The following LARS2 variants were observed in gnomAD, a reference collection of about 807,000 sequenced individuals.
The protein encoded by LARS2 is leucine--tRNA ligase, mitochondrial.
LARS2 carries 81 observed loss-of-function variants against 116.6 expected under a neutral mutation model. That is an observed-to-expected ratio of 0.69 (90% CI 0.58 to 0.84). The LOEUF is 0.84. LARS2 is among the 40% of genes least tolerant of loss of function. The pLI, the probability that LARS2 is intolerant of heterozygous loss-of-function variation, is 0.00. For missense variants in LARS2, 968 were observed against 1,114.5 expected (o/e 0.87, Z 1.87); for synonymous variants, 396 against 407.2 (o/e 0.97, Z 0.33).
chr3:45,541,277 A>G (rs1295316794), intron 20 of LARS2, among the ~76,000 whole-genome samples: 1 of 152,184 alleles, frequency 6.6e-6, no homozygotes, highest in African/African-American at 2.4e-5. Context: ...AGCCAAGGAA[A>G]GCTCCTTCCA....
chr3:45,496,452 C>A, intron 14 of LARS2, 79 bp downstream of exon 14: 1 of 1,031,906 alleles, frequency 9.7e-7, no homozygotes, highest in Non-Finnish European at 1.5e-6. Context: ...TGGAATTAGA[C>A]ATGCAAGAGA....
intron 6 of LARS2, among the ~76,000 whole-genome samples, chr3:45,431,050 C>T (rs1181802725): frequency 2.0e-5 from 3 of 151,960 alleles, no homozygotes; most frequent in South Asian, 4.2e-4. Flanking sequence ...AAATTAGTAC[C>T]CTTATATGAA....
chr3:45,519,490 C>A (rs371940955), intron 18 of LARS2, among the ~76,000 whole-genome samples: 104 of 105,852 alleles, frequency 9.8e-4, no homozygotes, highest in East Asian at 1.4e-3. Context: ...GTCTCCGTCT[C>A]AAAAAAAAAA....
intron 20 of LARS2, among the ~76,000 whole-genome samples, chr3:45,534,182 A>T (rs1172508031): frequency 6.6e-6 from 1 of 151,974 alleles, no homozygotes; most frequent in Non-Finnish European, 1.5e-5. Flanking sequence ...TGAGATGTGT[A>T]TTGTTTTTTC....
chr3:45,504,531 G>T (rs1439971944), intron 15 of LARS2, among the ~76,000 whole-genome samples: 2 of 151,820 alleles, frequency 1.3e-5, no homozygotes. Flanking sequence ...AAATAAACTG[G>T]TCTGCATCAG....
chr3:45,548,727 A>G lies in LARS2; in HGVS notation c.*1197A>G, dbSNP rs1011307960. On this transcript the variant is annotated 3_prime_UTR_variant, in exon 22 of 22. Transcript: ENST00000645846. Reference sequence around the variant, plus strand: ...AGCCATTTTATAATGCCAGAAATCTATATATGTTATCTGATGCCATTTTTC... The same window carrying G: ...AGCCATTTTATAATGCCAGAAATCTGTATATGTTATCTGATGCCATTTTTC... 6.6e-6 allele frequency: 1 copy of G among 152,246 alleles called. No homozygotes were observed. The highest frequency in any genetic ancestry group is 2.4e-5 in the African/African-American group (1 of 41,464). The allele number at this position is 152,246 out of a possible 1,614,324, so 9.4% of individuals were successfully genotyped here.
chr3:45,535,295 G>A (rs573619197), intron 20 of LARS2, among the ~76,000 whole-genome samples: 8 of 151,564 alleles, frequency 5.3e-5, no homozygotes, highest in East Asian at 1.9e-4. Flanking sequence ...GGAGGTTGCA[G>A]TGAGCTGAGA....
chr3:45,506,128 C>G (rs1700197472), intron 15 of LARS2, among the ~76,000 whole-genome samples: 1 of 151,950 alleles, frequency 6.6e-6, no homozygotes, highest in South Asian at 2.1e-4. Flanking sequence ...AAATTCTGTT[C>G]AAGATTCCGT....
chr3:45,445,471 T>A (rs1038347652), intron 6 of LARS2, among the ~76,000 whole-genome samples: 2 of 152,128 alleles, frequency 1.3e-5, no homozygotes, highest in African/African-American at 4.8e-5. Context: ...TTGGTGAAGA[T>A]CTTTGTGCAC....
chr3:45,541,792 T>A, intron 20 of LARS2, 37 bp from the exon 21 acceptor site: 1 of 1,611,736 alleles, frequency 6.2e-7, no homozygotes. Context: ...TCCCTGTTCT[T>A]AGAGTGACCC....
At chr3:45,501,941 A>T (rs905840967) in intron 15 of LARS2, among the ~76,000 whole-genome samples, 12 of 151,804 alleles carry the variant, frequency 7.9e-5, no homozygotes, top group African/African-American at 2.4e-4. Flanking sequence ...TTAATTTTTT[A>T]ATTTTTAATT....
intron 20 of LARS2, among the ~76,000 whole-genome samples, chr3:45,539,313 A>G (rs961243681): frequency 6.6e-6 from 1 of 152,178 alleles, no homozygotes; most frequent in African/African-American, 2.4e-5. Context: ...TCCCTTGTAG[A>G]AAATCTGTAA....
At chr3:45,547,169 A>T (rs1700888217) in intron 21 of LARS2, among the ~76,000 whole-genome samples, 182 bp from the exon 22 acceptor site, 1 of 152,164 alleles carries the variant, frequency 6.6e-6, no homozygotes. Flanking sequence ...CATTAATCCT[A>T]TTCAGCTGGT....
chr3:45,471,863 GATTA>G (rs1699530582), intron 8 of LARS2, among the ~76,000 whole-genome samples: 1 of 152,096 alleles, frequency 6.6e-6, no homozygotes, highest in Non-Finnish European at 1.5e-5. Context: ...TTTATTAGAA[GATTA>G]ATTGTTTATT....
At chr3:45,524,970 C>T (rs1375668279) in intron 20 of LARS2, among the ~76,000 whole-genome samples, 1 of 152,180 alleles carries the variant, frequency 6.6e-6, no homozygotes, top group Admixed American at 6.5e-5. Flanking sequence ...GTGGAAATTA[C>T]AGTAGGATTT....
Position 45,396,883 on chromosome 3 carries a change from C to T in LARS2, c.234+2196C>T, listed in dbSNP as rs148537243. On this transcript the variant is annotated intron_variant, in intron 3 of 21. Coordinates refer to ENST00000645846, the MANE Select transcript of LARS2 (RefSeq NM_015340.4). ...TCCACACAGAAACCTTCTTTTGTCT[C>T]ACCTTTGATTTACAGTTAGCAAACT... Among the ~76,000 whole-genome samples the T allele has an allele frequency of 8.4e-3, 1,287 of 152,328 alleles. 5 individuals are homozygous for T. Among genetic ancestry groups the T allele is most frequent in the Middle Eastern group, 0.017 (5 of 294 alleles).
At position 45,491,715 on chromosome 3, in the gene LARS2, A is replaced by C. The variant is rs747930348; in HGVS notation, c.1438A>C (p.Thr480Pro). 8 of 1,613,786 alleles carry C rather than the reference A, an allele frequency of 5.0e-6. No homozygotes were observed. The highest frequency in any genetic ancestry group is 1.7e-5 in the Admixed American group (1 of 59,986). Residue 480 changes from threonine to proline, a missense_variant, in exon 13 of 22, where the codon ACC becomes CCC. Physicochemically the swap from Thr to Pro is conservative, Grantham distance 38 (BLOSUM62 -1). Transcript: ENST00000645846. ...TGTGCCCCTGGAGGACTTGCCTGTG[A>C]CCCTGCCCAACATCGCGTCTTTCAC... ...TPVPLEDLPV[T>P]LPNIASFTGK...
At chr3:45,468,507 G>A (rs1699471973) in intron 8 of LARS2, among the ~76,000 whole-genome samples, 1 of 152,190 alleles carries the variant, frequency 6.6e-6, no homozygotes, top group African/African-American at 2.4e-5. Context: ...CCAGGGGCAG[G>A]GAGGTGACAT....
intron 4 of LARS2, 152 bp downstream of exon 4, chr3:45,400,525 A>G (rs1698128252): frequency 2.9e-6 from 2 of 697,936 alleles, no homozygotes; most frequent in African/African-American, 1.8e-5. Context: ...GTTTCCTTTT[A>G]TGGATTAGAT....
Sources: gnomAD v4.1 joint callset for allele counts (sites outside exome capture counted in the v4.1 genomes callset) on GRCh38, gnomAD v4.1.1 for gene constraint, MANE v1.5 for transcripts, NCBI Gene and HGNC (gene_info 2026-07-23, HGNC 2026-07-21) for gene names.